PTPRD: variants seen among roughly 807,000 people sequenced by gnomAD.
PTPRD encodes receptor-type tyrosine-protein phosphatase delta.
PTPRD carries 34 observed loss-of-function variants against 214.5 expected under a neutral mutation model. That is an observed-to-expected ratio of 0.16 (90% CI 0.12 to 0.21). The LOEUF is 0.21. Ranked by LOEUF, PTPRD falls within the 10% of genes least tolerant of loss-of-function variation. The pLI is 1.00. For missense variants in PTPRD, 2,545 were observed against 2,398.7 expected (o/e 1.06, Z -1.27); for synonymous variants, 1,128 against 845.7 (o/e 1.33, Z -5.79).
chr9:8,925,171 T>C (rs2154275110), intron 11 of PTPRD, among the ~76,000 whole-genome samples: 1 of 152,238 alleles, frequency 6.6e-6, no homozygotes, highest in East Asian at 1.9e-4. Flanking sequence ...TCCCTGACTC[T>C]AATTACTCCC....
At chr9:9,140,718 A>G (rs1002463720) in intron 10 of PTPRD, among the ~76,000 whole-genome samples, 7 of 152,174 alleles carry the variant, frequency 4.6e-5, no homozygotes, top group African/African-American at 1.4e-4. Flanking sequence ...AGCTGGGACT[A>G]CAGGTGCCCG....
chr9:8,967,882 T>G (rs1016524103), intron 11 of PTPRD, among the ~76,000 whole-genome samples: 2 of 152,094 alleles, frequency 1.3e-5, no homozygotes, highest in African/African-American at 4.8e-5. Context: ...TAGGTATATC[T>G]CCTAAAGCTA....
intron 9 of PTPRD, among the ~76,000 whole-genome samples, chr9:9,343,022 A>C (rs541119400): frequency 6.6e-6 from 1 of 152,202 alleles, no homozygotes; most frequent in East Asian, 1.9e-4. Context: ...TGAGAATAAT[A>C]GTTTCCAGCT....
intron 3 of PTPRD, among the ~76,000 whole-genome samples, chr9:10,237,983 C>A (rs933109391): frequency 6.6e-6 from 1 of 151,494 alleles, no homozygotes; most frequent in South Asian, 2.1e-4. Context: ...TAGGCATTTG[C>A]AACATTGTTA....
At chr9:10,451,751 A>G (rs2098843118) in intron 2 of PTPRD, among the ~76,000 whole-genome samples, 1 of 150,198 alleles carries the variant, frequency 6.7e-6, no homozygotes, top group Admixed American at 6.6e-5. Context: ...TGTGTTTTTC[A>G]ATTAGAAATT....
intron 3 of PTPRD, among the ~76,000 whole-genome samples, chr9:10,116,290 GCTGA>G (rs1403055928): frequency 6.6e-6 from 1 of 151,922 alleles, no homozygotes; most frequent in Non-Finnish European, 1.5e-5. Context: ...TGCTTCTATT[GCTGA>G]CTAAGTACAA....
Position 10,242,412 on chromosome 9 carries a change from C to T in PTPRD, c.-545+98551G>A, listed in dbSNP as rs188197916. Among the ~76,000 whole-genome samples the T allele has an allele frequency of 5.9e-5, 9 of 152,014 alleles. No individual in the cohort carries two copies. The East Asian group carries it at 1.8e-3, about 30-fold the overall frequency. ...GGGCAGCGCCAAAACTCATTTTAAA[C>T]ACATTTTTGTATAATCACTCAGCTC... On this transcript the variant is annotated intron_variant, in intron 3 of 45. Coordinates refer to ENST00000381196, the MANE Select transcript of PTPRD (RefSeq NM_002839.4).
At chr9:8,922,485 T>A (rs2098834559) in intron 11 of PTPRD, among the ~76,000 whole-genome samples, 1 of 152,250 alleles carries the variant, frequency 6.6e-6, no homozygotes, top group Non-Finnish European at 1.5e-5. Flanking sequence ...CTTACTTTCT[T>A]AACAATAGTC....
chr9:8,719,669 G>C (rs142956379), intron 12 of PTPRD, among the ~76,000 whole-genome samples: 170 of 151,824 alleles, frequency 1.1e-3, no homozygotes, highest in African/African-American at 3.9e-3. Context: ...TCTTGTTACA[G>C]TGGCAGAGTT....
chr9:9,073,493 A>C (rs1349941470), intron 10 of PTPRD, among the ~76,000 whole-genome samples: 3 of 152,206 alleles, frequency 2.0e-5, no homozygotes, highest in Admixed American at 2.0e-4. Context: ...ATTAACATTT[A>C]CCACCAGTTA....
At chr9:10,509,580 T>TATATATATATATATATATATATATATATA (rs1491395020) in intron 2 of PTPRD, among the ~76,000 whole-genome samples, 71 of 135,014 alleles carry the variant, frequency 5.3e-4, no homozygotes, top group East Asian at 1.6e-3. Flanking sequence ...TATATATATA[T>TATATATATATATATATATATATATATATA]TTTACTCACT....
At chr9:9,796,049 G>C (rs1322280878) in intron 5 of PTPRD, among the ~76,000 whole-genome samples, 2 of 151,710 alleles carry the variant, frequency 1.3e-5, no homozygotes, top group Non-Finnish European at 2.9e-5. Context: ...AAATTTTAAG[G>C]TATTTTTCAG....
intron 14 of PTPRD, among the ~76,000 whole-genome samples, chr9:8,582,101 G>C (rs922997888): frequency 6.6e-6 from 1 of 152,020 alleles, no homozygotes; most frequent in Admixed American, 6.6e-5. Flanking sequence ...AAATGGTAAT[G>C]ACAAATCAGA....
intron 3 of PTPRD, among the ~76,000 whole-genome samples, chr9:10,242,505 C>A (rs890228077): frequency 1.3e-5 from 2 of 151,934 alleles, no homozygotes; most frequent in Middle Eastern, 3.4e-3. Flanking sequence ...AGTGTTCAGG[C>A]AACAGAAATA....
At chr9:10,071,262 C>A (rs757287448) in intron 3 of PTPRD, among the ~76,000 whole-genome samples, 51 of 151,864 alleles carry the variant, frequency 3.4e-4, no homozygotes, top group Non-Finnish European at 5.9e-4. Flanking sequence ...ATATGGATAA[C>A]CTGATTCTTG....
intron 8 of PTPRD, among the ~76,000 whole-genome samples, chr9:9,569,459 A>G (rs1157090534): frequency 6.6e-6 from 1 of 151,796 alleles, no homozygotes; most frequent in African/African-American, 2.4e-5. Flanking sequence ...AATTCTGCTC[A>G]GCTTTACAAT....
chr9:10,121,113 C>G (rs1294046339), intron 3 of PTPRD, among the ~76,000 whole-genome samples: 1 of 152,150 alleles, frequency 6.6e-6, no homozygotes, highest in East Asian at 1.9e-4. Flanking sequence ...TTTCAATATT[C>G]TTTAAACTTG....
At chr9:10,197,781 C>T (rs978681435) in intron 3 of PTPRD, among the ~76,000 whole-genome samples, 1 of 151,942 alleles carries the variant, frequency 6.6e-6, no homozygotes, top group Non-Finnish European at 1.5e-5. Flanking sequence ...CCTGGTAGGC[C>T]ATGGGAGGGA....
chr9:8,678,063 G>T (rs1225810270), intron 12 of PTPRD, among the ~76,000 whole-genome samples: 1 of 152,170 alleles, frequency 6.6e-6, no homozygotes, highest in Non-Finnish European at 1.5e-5. Flanking sequence ...CGGCAGTGAA[G>T]TGTGAAAATA....
Sources: gnomAD v4.1 joint callset for allele counts (sites outside exome capture counted in the v4.1 genomes callset) on GRCh38, gnomAD v4.1.1 for gene constraint, MANE v1.5 for transcripts, NCBI Gene and HGNC (gene_info 2026-07-23, HGNC 2026-07-21) for gene names.